Variants in MFHAS1 observed in about 807,000 individuals in gnomAD.
MFHAS1 encodes the protein multifunctional ROCO family signaling regulator 1.
Under a neutral mutation model 70.4 loss-of-function variants are expected in MFHAS1, and 50 were observed. That is an observed-to-expected ratio of 0.71 (90% CI 0.57 to 0.90). The LOEUF (loss-of-function observed/expected upper bound fraction) is 0.90, where lower values mean the gene tolerates loss of function less well. MFHAS1 is among the 40% of genes least tolerant of loss of function. MFHAS1 has a pLI of 0.00. For missense variants in MFHAS1, 1,795 were observed against 1,347.6 expected (o/e 1.33, Z -5.20); for synonymous variants, 952 against 620.0 (o/e 1.54, Z -7.96).
At chr8:8,863,835 G>A (rs1795973643) in intron 1 of MFHAS1, among the ~76,000 whole-genome samples, 2 of 152,072 alleles carry the variant, frequency 1.3e-5, no homozygotes, top group South Asian at 4.2e-4. Flanking sequence ...TAAGAAAGTT[G>A]CATTTGTTTT....
intron 1 of MFHAS1, among the ~76,000 whole-genome samples, chr8:8,856,285 C>A (rs1479206617): frequency 6.6e-6 from 1 of 152,182 alleles, no homozygotes; most frequent in Non-Finnish European, 1.5e-5. Context: ...GAGATCTGTC[C>A]CGAGCTCACT....
intron 1 of MFHAS1, among the ~76,000 whole-genome samples, chr8:8,803,385 T>C (rs1411403099): frequency 6.6e-6 from 1 of 151,512 alleles, no homozygotes; most frequent in Non-Finnish European, 1.5e-5. Context: ...GGGATGGTGG[T>C]AGGCACCTGT....
chr8:8,804,552 A>T (rs1806221189), intron 1 of MFHAS1, among the ~76,000 whole-genome samples: 1 of 152,220 alleles, frequency 6.6e-6, no homozygotes, highest in African/African-American at 2.4e-5. Context: ...AGATGCCCTT[A>T]AATCAGAAAG....
chr8:8,867,209 G>T (rs959598970), intron 1 of MFHAS1, among the ~76,000 whole-genome samples: 3 of 152,136 alleles, frequency 2.0e-5, no homozygotes, highest in African/African-American at 7.2e-5. Flanking sequence ...AGGCTGTGGG[G>T]TTTTATGAAA....
intron 2 of MFHAS1, among the ~76,000 whole-genome samples, chr8:8,793,725 C>T (rs1197466461): frequency 6.6e-6 from 1 of 152,234 alleles, no homozygotes; most frequent in African/African-American, 2.4e-5. Flanking sequence ...CAGAGCAGTC[C>T]TAAGGCCCCA....
chr8:8,811,334 G>T (rs1013522475), intron 1 of MFHAS1, among the ~76,000 whole-genome samples: 5 of 151,538 alleles, frequency 3.3e-5, no homozygotes, highest in African/African-American at 1.2e-4. Context: ...TTGAGATAGG[G>T]TCTTGCGCTG....
chr8:8,891,872 T>C lies in MFHAS1; in HGVS notation c.1187A>G (p.Gln396Arg). The C allele has an allele frequency of 6.2e-7, 1 of 1,611,924 alleles. No homozygotes were observed. Among genetic ancestry groups the C allele is most frequent in the Non-Finnish European group, 8.5e-7 (1 of 1,179,096 alleles). The change falls in exon 1 of 3, where the codon CAG becomes CGG. Residue 396 changes from glutamine to arginine, a missense_variant. Coordinates refer to ENST00000276282, the MANE Select transcript of MFHAS1 (RefSeq NM_004225.3). The surrounding 1 kb of genome is among the most constrained non-coding windows in gnomAD (Gnocchi z 5.4). The stretch of plus-strand genomic sequence containing the variant: ...CGGCTGGGAATGAGCCAGTTCCTTC[T>C]GGTAGGCTGCGATGTAGGGGATCCC... ...MKGIPYIAAY[Q>R]KELAHSQPAV...
chr8:8,859,048 C>T (rs558993699), intron 1 of MFHAS1, among the ~76,000 whole-genome samples: 9 of 152,178 alleles, frequency 5.9e-5, no homozygotes, highest in Non-Finnish European at 1.2e-4. Context: ...TTGAAAAATG[C>T]TTGGTTAAAC....
At chr8:8,881,869 G>C (rs1331398608) in intron 1 of MFHAS1, among the ~76,000 whole-genome samples, 1 of 151,834 alleles carries the variant, frequency 6.6e-6, no homozygotes, top group African/African-American at 2.4e-5. Flanking sequence ...AGCTTTGGGA[G>C]GTTGGAGTAT....
At chr8:8,825,283 C>T (rs1426940759) in intron 1 of MFHAS1, among the ~76,000 whole-genome samples, 2 of 152,176 alleles carry the variant, frequency 1.3e-5, no homozygotes, top group Admixed American at 6.6e-5. Flanking sequence ...AGGAATTCTC[C>T]GGCGTCAGCC....
In MFHAS1 at chr8:8,892,600, C is replaced by T. The variant is rs757643335; in HGVS notation, c.459G>A (p.Gln153=). The T allele has an allele frequency of 1.2e-6, 2 of 1,609,138 alleles. No individual in the cohort carries two copies. The highest frequency in any genetic ancestry group is 1.1e-5 in the South Asian group (1 of 90,398). ...SHNQLPALPA[Q]LGALAHLEEL... The stretch of plus-strand genomic sequence containing the variant: ...CCTCCAGGTGAGCGAGAGCGCCCAG[C>T]TGGGCGGGCAGGGCGGGCAGCTGGT... The change falls in exon 1 of 3, where the codon CAG becomes CAA. Residue 153 remains glutamine, a synonymous_variant. Coordinates refer to ENST00000276282, the MANE Select transcript of MFHAS1 (RefSeq NM_004225.3). This position sits in a 1 kb window ranked among gnomAD's most constrained non-coding sequence, Gnocchi z 4.7.
At chr8:8,874,286 T>C (rs1325457444) in intron 1 of MFHAS1, among the ~76,000 whole-genome samples, 2 of 151,816 alleles carry the variant, frequency 1.3e-5, no homozygotes, top group African/African-American at 4.8e-5. Flanking sequence ...AATACATCCA[T>C]TGGTAGACTA....
At chr8:8,811,369 G>T (rs1043326087) in intron 1 of MFHAS1, among the ~76,000 whole-genome samples, 1 of 151,942 alleles carries the variant, frequency 6.6e-6, no homozygotes, top group Middle Eastern at 3.4e-3. Context: ...GTACAGTGGC[G>T]CAATCATAGC....
chr8:8,870,259 G>A (rs1309817710), intron 1 of MFHAS1, among the ~76,000 whole-genome samples: 2 of 143,434 alleles, frequency 1.4e-5, no homozygotes, highest in Non-Finnish European at 3.0e-5. Flanking sequence ...TTCAAGACCA[G>A]CCTAGGCAAC....
At position 8,892,011 on chromosome 8, in the gene MFHAS1, G is replaced by A; in HGVS notation, c.1048C>T (p.Gln350Ter). ...GGCAGCACCGCGATCTGGTTCCCCT[G>A]CAGCACGAGCTCCTCCAGGCCGGTC... is the stretch of plus-strand genomic sequence containing the variant. ...ELTGLEELVLQGNQIAVLPDH... is the reference protein window; with the variant it reads ...ELTGLEELVL Residue 350 changes from glutamine to a stop codon, truncating the protein, a stop_gained, in exon 1 of 3, where the codon CAG becomes TAG. Coordinates refer to ENST00000276282, the MANE Select transcript of MFHAS1 (RefSeq NM_004225.3). LOFTEE classifies it high-confidence loss of function. This position sits in a 1 kb window ranked among gnomAD's most constrained non-coding sequence, Gnocchi z 4.7. 1 of 1,613,608 alleles carries A rather than the reference G, an allele frequency of 6.2e-7. No homozygotes were observed. Among genetic ancestry groups the A allele is most frequent in the Non-Finnish European group, 8.5e-7 (1 of 1,180,024 alleles).
intron 1 of MFHAS1, among the ~76,000 whole-genome samples, chr8:8,842,012 C>T (rs531029440): frequency 1.6e-4 from 24 of 152,262 alleles, no homozygotes; most frequent in African/African-American, 4.8e-4. Flanking sequence ...TGTTTCTCTA[C>T]GGTGAAAGAA....
At chr8:8,879,962 T>TA (rs940550768) in intron 1 of MFHAS1, among the ~76,000 whole-genome samples, 25 of 152,036 alleles carry the variant, frequency 1.6e-4, no homozygotes, top group Admixed American at 5.3e-4. Context: ...AATTTATCTT[T>TA]AAAAAAAAGC....
chr8:8,879,114 C>T lies in MFHAS1; in HGVS notation c.2998+10947G>A, dbSNP rs751157151. The stretch of plus-strand genomic sequence containing the variant: ...CTGTAATCCCAGCACTTTGGGAGGC[C>T]GAGGCAGGAGGATCACTTGAGGTCA... On this transcript the variant is annotated intron_variant, in intron 1 of 2. Coordinates refer to ENST00000276282, the MANE Select transcript of MFHAS1 (RefSeq NM_004225.3). Among the ~76,000 whole-genome samples, 5 of 152,000 alleles carry T rather than the reference C, an allele frequency of 3.3e-5. No individual in the cohort carries two copies. The East Asian group carries it at 5.8e-4, about 18-fold the overall frequency.
rs934869425 is a variant in MFHAS1, at chr8:8,891,717, G to T, written c.1342C>A (p.Pro448Thr). The stretch of plus-strand genomic sequence containing the variant: ...TTGCTCACAGGGGGAGGTGACGGTG[G>T]GTAGCACTTCTCCTTGTCCCCTCCT... ...PGGGDKEKCYPPSPPPVSKGI... is the reference protein window; with the variant it reads ...PGGGDKEKCYTPSPPPVSKGI... The change falls in exon 1 of 3, where the codon CCA (proline) becomes ACA (threonine). Residue 448 changes from proline (P) to threonine (T), a missense_variant. Transcript: ENST00000276282. The surrounding 1 kb of genome is among the most constrained non-coding windows in gnomAD (Gnocchi z 5.4). 3.7e-6 allele frequency: 6 copies of T among 1,613,320 alleles called. No individual in the cohort carries two copies. The East Asian group carries it at 1.1e-4, about 30-fold the overall frequency.
Sources: gnomAD v4.1 joint callset for allele counts (sites outside exome capture counted in the v4.1 genomes callset) on GRCh38, gnomAD v4.1.1 for gene constraint, Gnocchi (gnomAD v3.1) non-coding constraint, MANE v1.5 for transcripts, NCBI Gene and HGNC (gene_info 2026-07-23, HGNC 2026-07-21) for gene names.